The following TSACC variants were observed in gnomAD, a reference collection of about 807,000 sequenced individuals.
TSACC encodes the protein TSSK6-activating co-chaperone protein.
A neutral mutation model predicts 6.9 loss-of-function variants in TSACC; 3 were observed. The observed-to-expected ratio is 0.43, with a 90% CI of 0.20 to 1.12. The LOEUF (loss-of-function observed/expected upper bound fraction) is 1.12. Among genes scored for constraint, TSACC ranks in the 50% most tolerant of loss-of-function variants. TSACC has a pLI of 0.28. For synonymous variants in TSACC, 54 were observed against 55.1 expected (o/e 0.98, Z 0.09); for missense variants, 137 against 143.9 (o/e 0.95, Z 0.24).
intron 2 of TSACC, 116 bp downstream of exon 2, chr1:156,339,907 T>A: frequency 9.8e-7 from 1 of 1,020,986 alleles, no homozygotes; most frequent in Non-Finnish European, 1.5e-6. Flanking sequence ...TGTTAAATAG[T>A]AGATGCTCAG....
At chr1:156,338,234 C>T, upstream of TSACC, 3 of 1,553,978 alleles carry the variant, frequency 1.9e-6, no homozygotes, top group Non-Finnish European at 2.6e-6. Context: ...ACCGGCAGAA[C>T]CTTCTGGAGA....
In TSACC at chr1:156,344,657, A is replaced by C. The variant is rs371480851; in HGVS notation, c.112A>C (p.Ser38Arg). The change falls in exon 3 of 4, where the codon AGT becomes CGT. Residue 38 changes from serine (S) to arginine (R), a missense_variant. Transcript: ENST00000368254. ...PSPSYINLQA[S>R]SPPATFLNIQ... ...CCCCAGCTATATTAATCTTCAAGCAAGTTCCCCACCAGCCACTTTTCTGAA... is the reference window on the plus strand; with the variant it reads ...CCCCAGCTATATTAATCTTCAAGCACGTTCCCCACCAGCCACTTTTCTGAA... 1.9e-6 allele frequency: 3 copies of C among 1,614,000 alleles called. No homozygotes were observed. The African/African-American group carries it at 4.0e-5, about 22-fold the overall frequency.
intron 2 of TSACC, 135 bp from the exon 3 acceptor site, chr1:156,344,445 C>A: frequency 7.7e-7 from 1 of 1,298,756 alleles, no homozygotes; most frequent in Non-Finnish European, 1.0e-6. Context: ...TCTTTTTTGT[C>A]TTATGTATCT....
chr1:156,338,273 G>A (rs1365010747), upstream of TSACC: 4 of 1,377,014 alleles, frequency 2.9e-6, no homozygotes, highest in Non-Finnish European at 4.0e-6. Context: ...CCCAGAAAAC[G>A]CTGCCTCCTC....
intron 2 of TSACC, among the ~76,000 whole-genome samples, chr1:156,342,683 C>T (rs1042762586): frequency 3.9e-5 from 6 of 152,186 alleles, no homozygotes; most frequent in Non-Finnish European, 8.8e-5. Flanking sequence ...GCTTTCATAG[C>T]ACTTACTGAA....
At chr1:156,340,302 G>A (rs895001772) in intron 2 of TSACC, among the ~76,000 whole-genome samples, 6 of 152,130 alleles carry the variant, frequency 3.9e-5, no homozygotes, top group Non-Finnish European at 8.8e-5. Flanking sequence ...GGGACTGCAG[G>A]CACCTGCCAC....
rs1483562278 is a variant in TSACC, at chr1:156,341,523, A to G, written c.34+1732A>G. On this transcript the variant is annotated intron_variant, in intron 2 of 3. Transcript: ENST00000368254. The stretch of plus-strand genomic sequence containing the variant: ...TGGTATCCACAATGACCCTACTTTA[A>G]GGGTCATTGTGAGAAACATATAAGA... 2.6e-5 allele frequency among the ~76,000 whole-genome samples: 4 copies of G among 152,162 alleles called. No individual in the cohort carries two copies. In the East Asian group the frequency reaches 7.7e-4, roughly 29 times the overall value.
In TSACC at chr1:156,346,933, C is replaced by A. The variant is rs1042139183; in HGVS notation, c.329C>A (p.Ala110Asp). The A allele has an allele frequency of 6.2e-7, 1 of 1,614,196 alleles. No individual in the cohort carries two copies. The highest frequency in any genetic ancestry group is 1.3e-5 in the African/African-American group (1 of 75,056). ...GGAAGCAATAACTCTTCTCTCCCAG[C>A]CTTATCTCCTAATCCATTGTTAAAT... ...GRGSNNSSLPALSPNPLLNHL... is the reference protein window; with the variant it reads ...GRGSNNSSLPDLSPNPLLNHL... Residue 110 changes from alanine (A) to aspartate (D), a missense_variant, in exon 4 of 4, where the codon GCC (alanine) becomes GAC (aspartate). Transcript: ENST00000368254.
intron 3 of TSACC, 30 bp from the exon 4 acceptor site, chr1:156,346,738 C>G (rs959518717): frequency 6.2e-7 from 1 of 1,606,048 alleles, no homozygotes; most frequent in African/African-American, 1.3e-5. Flanking sequence ...CCTTTGTTCC[C>G]TTGCACCTCC....
upstream of TSACC, chr1:156,338,010 C>A (rs926038365): frequency 2.4e-5 from 20 of 849,036 alleles, no homozygotes; most frequent in South Asian, 1.4e-4. Context: ...GAGAGGAAAG[C>A]GGGACACTGG....
chr1:156,342,808 A>G (rs1469160486), intron 2 of TSACC, among the ~76,000 whole-genome samples: 1 of 152,248 alleles, frequency 6.6e-6, no homozygotes, highest in Admixed American at 6.5e-5. Context: ...CAGCGATGAC[A>G]CATAGGCACT....
rs1570964628 is a variant in TSACC, at chr1:156,346,698, C to T, written c.164-70C>T. 11 of 1,489,258 alleles carry T rather than the reference C, an allele frequency of 7.4e-6. No individual in the cohort carries two copies. In the East Asian group the frequency reaches 2.0e-4, roughly 28 times the overall value. The allele number at this position is 1,489,258 out of a possible 1,614,324, so 92.3% of individuals were successfully genotyped here. On this transcript the variant is annotated intron_variant, in intron 3 of 3. Coordinates refer to ENST00000368254, the MANE Select transcript of TSACC (RefSeq NM_001304817.2). ...GAGAGGTCATTTTATTAGGGTCCTT[C>T]CAACCTCAGTACAATTACCAAATCT...
At chr1:156,341,751 A>C (rs1396825707) in intron 2 of TSACC, among the ~76,000 whole-genome samples, 1 of 152,134 alleles carries the variant, frequency 6.6e-6, no homozygotes, top group Non-Finnish European at 1.5e-5. Flanking sequence ...GCATTCTTCA[A>C]ACCTTATAAC....
At chr1:156,338,393 G>T (rs1012884720), upstream of TSACC, 2 of 581,276 alleles carry the variant, frequency 3.4e-6, no homozygotes, top group Admixed American at 6.0e-5. Context: ...CGCCCCCTAC[G>T]CAAGAACGGC....
intron 2 of TSACC, among the ~76,000 whole-genome samples, chr1:156,340,934 A>T (rs1022214289): frequency 6.6e-6 from 1 of 152,192 alleles, no homozygotes; most frequent in South Asian, 2.1e-4. Flanking sequence ...GATTCAAGTG[A>T]TTCTTGTGCC....
upstream of TSACC, chr1:156,338,190 C>T: frequency 6.3e-7 from 1 of 1,587,360 alleles, no homozygotes; most frequent in Non-Finnish European, 8.6e-7. Context: ...ATCATGGCGA[C>T]GCGATGCAGA....
upstream of TSACC, chr1:156,337,930 T>G: frequency 1.7e-6 from 1 of 574,656 alleles, no homozygotes; most frequent in Non-Finnish European, 3.1e-6. Context: ...CGAGCACACG[T>G]CAAGGAAAGA....
At chr1:156,343,093 T>C (rs934339823) in intron 2 of TSACC, among the ~76,000 whole-genome samples, 2 of 152,300 alleles carry the variant, frequency 1.3e-5, no homozygotes, top group South Asian at 4.2e-4. Context: ...CATCCCCTTT[T>C]TGGGGCTGCC....
chr1:156,338,240 G>C (rs890924265), upstream of TSACC: 1 of 1,540,822 alleles, frequency 6.5e-7, no homozygotes. Context: ...AGAACCTTCT[G>C]GAGAGAGAGA....
Sources: gnomAD v4.1 joint callset for allele counts (sites outside exome capture counted in the v4.1 genomes callset) on GRCh38, gnomAD v4.1.1 for gene constraint, MANE v1.5 for transcripts, NCBI Gene and HGNC (gene_info 2026-07-23, HGNC 2026-07-21) for gene names.